Variants in NEMP2 observed in about 807,000 individuals in gnomAD.
NEMP2 encodes UPF0571 transmembrane protein.
NEMP2 carries 53 observed loss-of-function variants against 54.2 expected under a neutral mutation model. The ratio of observed to expected loss-of-function variants is 0.98; its 90% CI spans 0.78 to 1.23. NEMP2 has a LOEUF of 1.23. Among genes scored for constraint, NEMP2 ranks in the 50% most tolerant of loss-of-function variants. The probability of loss-of-function intolerance (pLI) is 0.00; values close to 1 mark genes in which losing one functional copy is unlikely to be tolerated. For missense variants in NEMP2, 455 were observed against 511.3 expected (o/e 0.89, Z 1.06); for synonymous variants, 197 against 190.3 (o/e 1.04, Z -0.29).
the NEMP2 span, among the ~76,000 whole-genome samples, chr2:190,603,408 G>A: frequency 1.3e-5 from 2 of 151,820 alleles, no homozygotes; most frequent in South Asian, 2.1e-4. Flanking sequence ...GTCAAGGCCC[G>A]GGTCATTTGT....
At chr2:190,572,172 G>T in the NEMP2 span, among the ~76,000 whole-genome samples, 1 of 151,966 alleles carries the variant, frequency 6.6e-6, no homozygotes, top group African/African-American at 2.4e-5. Flanking sequence ...GATAAATTTT[G>T]ATGATTAGTT....
chr2:190,559,575 G>T, the NEMP2 span, among the ~76,000 whole-genome samples: 1 of 152,226 alleles, frequency 6.6e-6, no homozygotes, highest in Non-Finnish European at 1.5e-5. This position sits in a 1 kb window ranked among gnomAD's most constrained non-coding sequence, Gnocchi z 4.0. Flanking sequence ...GGAGAGTAGA[G>T]TGTCACATAA....
chr2:190,637,817 A>G, the NEMP2 span, among the ~76,000 whole-genome samples: 1 of 152,156 alleles, frequency 6.6e-6, no homozygotes, highest in East Asian at 1.9e-4. The surrounding 1 kb of genome is among the most constrained non-coding windows in gnomAD (Gnocchi z 4.5). Context: ...CAGAGATTTA[A>G]TTTTCTTGTG....
the NEMP2 span, among the ~76,000 whole-genome samples, chr2:190,557,628 GA>G: frequency 6.8e-6 from 1 of 148,078 alleles, no homozygotes; most frequent in African/African-American, 2.5e-5. Flanking sequence ...AATTTACAAG[GA>G]AAAAAAAACA....
chr2:190,584,664 G>A, the NEMP2 span, among the ~76,000 whole-genome samples: 25 of 152,062 alleles, frequency 1.6e-4, no homozygotes, highest in African/African-American at 5.5e-4. The surrounding 1 kb of genome is among the most constrained non-coding windows in gnomAD (Gnocchi z 4.2). Flanking sequence ...CTTGAGGCCA[G>A]GAATTTAAGA....
upstream of NEMP2, among the ~76,000 whole-genome samples, chr2:190,538,844 G>C (rs1691459917): frequency 6.6e-6 from 1 of 152,054 alleles, no homozygotes; most frequent in Non-Finnish European, 1.5e-5. This position sits in a 1 kb window ranked among gnomAD's most constrained non-coding sequence, Gnocchi z 4.1. Flanking sequence ...TTGAGTTCCT[G>C]ATATATTCTG....
the NEMP2 span, among the ~76,000 whole-genome samples, chr2:190,431,565 T>C: frequency 6.6e-6 from 1 of 152,000 alleles, no homozygotes; most frequent in Non-Finnish European, 1.5e-5. The surrounding 1 kb of genome is among the most constrained non-coding windows in gnomAD (Gnocchi z 4.4). Flanking sequence ...ACCAGTCAGG[T>C]GTGGCGGCGC....
chr2:190,476,948 G>T, the NEMP2 span, among the ~76,000 whole-genome samples: 21 of 150,448 alleles, frequency 1.4e-4, no homozygotes, highest in African/African-American at 4.6e-4. Flanking sequence ...GCAAACTATT[G>T]TAAGGACAAA....
At chr2:190,545,504 G>A in the NEMP2 span, among the ~76,000 whole-genome samples, 8 of 152,138 alleles carry the variant, frequency 5.3e-5, no homozygotes, top group African/African-American at 9.7e-5. Flanking sequence ...TTTCTTAGTC[G>A]TTTTTTGATA....
At chr2:190,478,204 C>G in the NEMP2 span, among the ~76,000 whole-genome samples, 6 of 152,222 alleles carry the variant, frequency 3.9e-5, no homozygotes, top group East Asian at 1.2e-3. Context: ...TTTATTCTCC[C>G]TTATGCCAGT....
rs928058209 is a variant in NEMP2 at position 190,510,616 on chromosome 2, C to T, written c.954-79G>A. The T allele has an allele frequency of 3.4e-6, 5 of 1,460,768 alleles. No individual in the cohort carries two copies. Among genetic ancestry groups the T allele is most frequent in the Non-Finnish European group, 4.7e-6 (5 of 1,073,170 alleles). 90.5% of individuals were successfully genotyped at this position (1,460,768 alleles called of 1,614,324 possible). On this transcript the variant is annotated intron_variant, in intron 7 of 8. Coordinates refer to ENST00000409150, the MANE Select transcript of NEMP2 (RefSeq NM_001142645.2). The surrounding 1 kb of genome is among the most constrained non-coding windows in gnomAD (Gnocchi z 5.7). ...TACAAAAATAGGCCAGGCTCGGTGG[C>T]TCACGCCTGTAATCCAGCATTTTGG...
the NEMP2 span, among the ~76,000 whole-genome samples, chr2:190,577,568 A>T: frequency 6.6e-6 from 1 of 152,208 alleles, no homozygotes; most frequent in East Asian, 1.9e-4. The surrounding 1 kb of genome is among the most constrained non-coding windows in gnomAD (Gnocchi z 4.8). Context: ...TATTTGCCCA[A>T]GAGGATCACT....
the NEMP2 span, among the ~76,000 whole-genome samples, chr2:190,640,187 CATT>C: frequency 6.6e-6 from 1 of 151,986 alleles, no homozygotes; most frequent in African/African-American, 2.4e-5. Context: ...TTAACTAATA[CATT>C]ATTTTTTATT....
rs1020428573 is a variant in NEMP2 at position 190,527,476 on chromosome 2, C to T, written c.98-2098G>A. On this transcript the variant is annotated intron_variant, in intron 1 of 8. Transcript: ENST00000409150. This position sits in a 1 kb window ranked among gnomAD's most constrained non-coding sequence, Gnocchi z 4.0. ...GAAGCAGCAAAATTACACAAGGACC[C>T]AACGTATTCAACTGTGACAGTCAAA... is the stretch of plus-strand genomic sequence containing the variant. 1.3e-5 allele frequency among the ~76,000 whole-genome samples: 2 copies of T among 152,158 alleles called. No individual in the cohort carries two copies. Among genetic ancestry groups the T allele is most frequent in the Non-Finnish European group, 2.9e-5 (2 of 68,030 alleles).
chr2:190,481,510 A>G, the NEMP2 span, among the ~76,000 whole-genome samples: 1 of 152,148 alleles, frequency 6.6e-6, no homozygotes, highest in Non-Finnish European at 1.5e-5. Context: ...AGCTGCTGTT[A>G]CATGTCAGCC....
the NEMP2 span, chr2:190,469,727 T>A: frequency 3.8e-3 from 4,685 of 1,235,478 alleles, 10 homozygotes; most frequent in Non-Finnish European, 4.5e-3. This position sits in a 1 kb window ranked among gnomAD's most constrained non-coding sequence, Gnocchi z 5.3. Context: ...TGCTTTTTTT[T>A]ATTTTATTTT....
chr2:190,565,040 G>T, the NEMP2 span, among the ~76,000 whole-genome samples: 1 of 152,134 alleles, frequency 6.6e-6, no homozygotes. Flanking sequence ...GGTGAGGTAC[G>T]GAGTGCAAAG....
At chr2:190,633,187 G>A in the NEMP2 span, among the ~76,000 whole-genome samples, 1 of 152,136 alleles carries the variant, frequency 6.6e-6, no homozygotes, top group Admixed American at 6.6e-5. Context: ...TACTTTACTT[G>A]AGGCACATAT....
At chr2:190,472,278 C>T in the NEMP2 span, among the ~76,000 whole-genome samples, 1 of 152,138 alleles carries the variant, frequency 6.6e-6, no homozygotes, top group Admixed American at 6.5e-5. Flanking sequence ...TTCAGACGAT[C>T]AAACTACTCC....
Sources: gnomAD v4.1 joint callset for allele counts (sites outside exome capture counted in the v4.1 genomes callset) on GRCh38, gnomAD v4.1.1 for gene constraint, Gnocchi (gnomAD v3.1) non-coding constraint, MANE v1.5 for transcripts, NCBI Gene and HGNC (gene_info 2026-07-23, HGNC 2026-07-21) for gene names.